The following PCDHGA4 variants were observed in gnomAD, a reference collection of about 807,000 sequenced individuals.
PCDHGA4 encodes protocadherin gamma-A4.
PCDHGA4 carries 38 observed loss-of-function variants against 54.6 expected under a neutral mutation model. The observed-to-expected ratio is 0.70, with a 90% CI of 0.54 to 0.91. The LOEUF is 0.91. Among genes scored for constraint, PCDHGA4 ranks in the 40% least tolerant of loss-of-function variants. PCDHGA4 has a pLI of 0.00. For synonymous variants in PCDHGA4, 511 were observed against 512.9 expected (o/e 1.00, Z 0.05); for missense variants, 1,298 against 1,220.9 (o/e 1.06, Z -0.94).
intron 1 of PCDHGA4, chr5:141,362,030 T>C: frequency 1.2e-6 from 2 of 1,608,762 alleles, no homozygotes; most frequent in South Asian, 1.1e-5. Context: ...GCGCGTGCCT[T>C]GGGCGACAGG....
chr5:141,432,014 A>C lies in PCDHGA4; in HGVS notation c.2515-62793A>C, dbSNP rs778393699. Reference sequence around the variant, plus strand: ...GGATAGGGAACAGGTTCCTAGCTACAACATCACAGTGACCGCCACTGACCG... The same window carrying C: ...GGATAGGGAACAGGTTCCTAGCTACCACATCACAGTGACCGCCACTGACCG... On this transcript the variant is annotated intron_variant, in intron 1 of 3. Transcript: ENST00000571252. This position sits in a 1 kb window ranked among gnomAD's most constrained non-coding sequence, Gnocchi z 6.0. 16 of 1,614,196 alleles carry C rather than the reference A, an allele frequency of 9.9e-6. 1 individual carries two copies. In the South Asian group the frequency reaches 1.6e-4, roughly 17 times the overall value.
intron 1 of PCDHGA4, among the ~76,000 whole-genome samples, chr5:141,457,543 A>G (rs555448211): frequency 2.6e-5 from 4 of 152,346 alleles, no homozygotes; most frequent in African/African-American, 9.6e-5. Flanking sequence ...TTAATGACAA[A>G]TGTATGATAA....
At chr5:141,392,891 C>T in intron 1 of PCDHGA4, 1 of 1,613,594 alleles carries the variant, frequency 6.2e-7, no homozygotes. Flanking sequence ...TGTGGGAAAT[C>T]GGGAGGGGAC....
intron 1 of PCDHGA4, chr5:141,376,418 C>G (rs1354597104): frequency 6.2e-7 from 1 of 1,614,230 alleles, no homozygotes; most frequent in Admixed American, 1.7e-5. Context: ...TGCCGACACG[C>G]TTATCAACCA....
intron 1 of PCDHGA4, chr5:141,400,276 C>T: frequency 6.2e-7 from 1 of 1,614,048 alleles, no homozygotes; most frequent in Non-Finnish European, 8.5e-7. Flanking sequence ...CTCCTCCAGC[C>T]CTGCCGCCTG....
At chr5:141,393,707 T>TG in intron 1 of PCDHGA4, 2 of 1,613,882 alleles carry the variant, frequency 1.2e-6, no homozygotes, top group South Asian at 2.2e-5. Context: ...ATGAAAATAC[T>TG]GGGGAAATAT....
At chr5:141,494,171 G>A (rs72790068) in intron 1 of PCDHGA4, among the ~76,000 whole-genome samples, 9,520 of 152,240 alleles carry the variant, frequency 0.063, 348 homozygotes, top group South Asian at 0.11. Flanking sequence ...TTCTAGGGGT[G>A]AGAAGTGTCC....
At chr5:141,364,592 G>A in intron 1 of PCDHGA4, 1 of 1,614,210 alleles carries the variant, frequency 6.2e-7, no homozygotes, top group East Asian at 2.2e-5. Flanking sequence ...GGTCACCGCG[G>A]GCAGGATAGA....
intron 1 of PCDHGA4, chr5:141,362,657 G>A (rs564342376): frequency 1.6e-5 from 23 of 1,396,834 alleles, no homozygotes; most frequent in Admixed American, 2.6e-5. Flanking sequence ...GTTAGATTTG[G>A]CCAATGTTGT....
chr5:141,493,656 T>C lies in PCDHGA4; in HGVS notation c.2515-1151T>C, dbSNP rs1481871984. Among the ~76,000 whole-genome samples, 1 of 152,184 alleles carries C rather than the reference T, an allele frequency of 6.6e-6. No homozygotes were observed. Among genetic ancestry groups the C allele is most frequent in the African/African-American group, 2.4e-5 (1 of 41,454 alleles). ...CTGAGGGCTGGCCATCCCTGTGCCC[T>C]TCTCCATGGCAGCCCCAGAATGGTG... On this transcript the variant is annotated intron_variant, in intron 1 of 3. Coordinates refer to ENST00000571252, the MANE Select transcript of PCDHGA4 (RefSeq NM_018917.4). The surrounding 1 kb of genome is among the most constrained non-coding windows in gnomAD (Gnocchi z 4.3).
intron 2 of PCDHGA4, among the ~76,000 whole-genome samples, chr5:141,504,422 T>G (rs1375202110): frequency 6.6e-6 from 1 of 152,078 alleles, no homozygotes; most frequent in Admixed American, 6.6e-5. Context: ...AGACAGGCAC[T>G]ACAACAGCTG....
chr5:141,382,956 C>G (rs373364562), intron 1 of PCDHGA4: 1 of 1,606,182 alleles, frequency 6.2e-7, no homozygotes, highest in Non-Finnish European at 8.5e-7. Flanking sequence ...TCTCCATCCT[C>G]CTGGGGACCC....
intron 1 of PCDHGA4, chr5:141,410,427 A>G (rs746046310): frequency 1.4e-5 from 22 of 1,613,832 alleles, no homozygotes; most frequent in East Asian, 1.1e-4. Flanking sequence ...GTTCCCCCCA[A>G]CTACAGTGAG....
intron 1 of PCDHGA4, chr5:141,422,103 A>C: frequency 6.2e-7 from 1 of 1,608,206 alleles, no homozygotes; most frequent in Admixed American, 1.7e-5. Context: ...CTTCTGAAAT[A>C]TTCCAATTGG....
intron 1 of PCDHGA4, chr5:141,418,928 A>C: frequency 1.2e-6 from 2 of 1,613,978 alleles, no homozygotes; most frequent in Non-Finnish European, 1.7e-6. Flanking sequence ...TGATCAGATT[A>C]TGGAGGATTC....
At chr5:141,418,124 C>A (rs762154093) in intron 1 of PCDHGA4, 33 of 1,613,836 alleles carry the variant, frequency 2.0e-5, no homozygotes, top group East Asian at 1.3e-4. Flanking sequence ...TGTGAAGGAC[C>A]GAATAGACCG....
At chr5:141,504,303 G>A (rs1157625808) in intron 2 of PCDHGA4, among the ~76,000 whole-genome samples, 4 of 151,938 alleles carry the variant, frequency 2.6e-5, no homozygotes, top group Admixed American at 2.6e-4. Context: ...TTCAACACTC[G>A]GAGTTTCTAA....
intron 1 of PCDHGA4, among the ~76,000 whole-genome samples, chr5:141,436,350 C>T (rs1034303123): frequency 5.9e-5 from 9 of 152,126 alleles, no homozygotes; most frequent in Non-Finnish European, 1.3e-4. Flanking sequence ...TCAGTGACTT[C>T]AATCAACTAT....
chr5:141,421,812 A>T, intron 1 of PCDHGA4: 1 of 1,613,822 alleles, frequency 6.2e-7, no homozygotes, highest in Non-Finnish European at 8.5e-7. Context: ...ATCCAGAGCT[A>T]GTACTGGAGG....
Sources: gnomAD v4.1 joint callset for allele counts (sites outside exome capture counted in the v4.1 genomes callset) on GRCh38, gnomAD v4.1.1 for gene constraint, Gnocchi (gnomAD v3.1) non-coding constraint, MANE v1.5 for transcripts, NCBI Gene and HGNC (gene_info 2026-07-23, HGNC 2026-07-21) for gene names.